The following OXR1 variants were observed in gnomAD, a reference collection of about 807,000 sequenced individuals.
OXR1 encodes the protein oxidation resistance protein 1.
A neutral mutation model predicts 104.6 loss-of-function variants in OXR1; 41 were observed. The ratio of observed to expected loss-of-function variants is 0.39; its 90% CI spans 0.31 to 0.51. The LOEUF (loss-of-function observed/expected upper bound fraction) is 0.51. OXR1 is among the 20% of genes least tolerant of loss of function. The pLI is 0.77. For missense variants in OXR1, 955 were observed against 1,031.9 expected (o/e 0.93, Z 1.02); for synonymous variants, 348 against 348.4 (o/e 1.00, Z 0.01).
At chr8:106,599,566 T>C (rs1312097561) in intron 3 of OXR1, among the ~76,000 whole-genome samples, 1 of 152,224 alleles carries the variant, frequency 6.6e-6, no homozygotes, top group African/African-American at 2.4e-5. Flanking sequence ...TGATAACAGA[T>C]AAAATCTTCA....
At chr8:106,688,458 C>T (rs1828961457) in intron 6 of OXR1, among the ~76,000 whole-genome samples, 1 of 151,494 alleles carries the variant, frequency 6.6e-6, no homozygotes, top group Admixed American at 6.6e-5. Flanking sequence ...TGAGGAAGGC[C>T]TAGGAAGTCC....
intron 3 of OXR1, among the ~76,000 whole-genome samples, chr8:106,624,642 T>C (rs1821998137): frequency 6.6e-6 from 1 of 152,166 alleles, no homozygotes; most frequent in Non-Finnish European, 1.5e-5. Flanking sequence ...GGAATTGCTG[T>C]TTTTCAGGTG....
At chr8:106,524,205 T>C (rs1040121632) in intron 3 of OXR1, among the ~76,000 whole-genome samples, 1 of 152,186 alleles carries the variant, frequency 6.6e-6, no homozygotes, top group African/African-American at 2.4e-5. Context: ...TGAAGCCAAA[T>C]AGTAGACTCA....
rs190630663 is a variant in OXR1, at chr8:106,482,484, A to G, written c.24-36459A>G. On this transcript the variant is annotated intron_variant, in intron 2 of 16. Coordinates refer to ENST00000517566, the MANE Select transcript of OXR1 (RefSeq NM_001198533.2). ...AGCTCTGTGATGTTGAGAGAGTTACATCGATTTTCTGAACGACTATTTCTT... is the reference window on the plus strand; with the variant it reads ...AGCTCTGTGATGTTGAGAGAGTTACGTCGATTTTCTGAACGACTATTTCTT... Among the ~76,000 whole-genome samples, 387 of 151,944 alleles carry G rather than the reference A, an allele frequency of 2.5e-3. 1 individual carries two copies. The highest frequency in any genetic ancestry group is 3.8e-3 in the Non-Finnish European group (261 of 67,966).
intron 10 of OXR1, among the ~76,000 whole-genome samples, chr8:106,711,801 G>A (rs1831716689): frequency 6.6e-6 from 1 of 152,088 alleles, no homozygotes; most frequent in Non-Finnish European, 1.5e-5. Context: ...TTTTACAGAA[G>A]AGGAACCATA....
intron 3 of OXR1, among the ~76,000 whole-genome samples, chr8:106,653,506 T>C (rs902513084): frequency 1.3e-5 from 2 of 151,868 alleles, no homozygotes; most frequent in Admixed American, 1.3e-4. Flanking sequence ...AAGCACAATA[T>C]TATATCAACA....
chr8:106,397,217 A>G (rs16874519), intron 2 of OXR1, among the ~76,000 whole-genome samples: 7,461 of 152,082 alleles, frequency 0.049, 615 homozygotes, highest in African/African-American at 0.17. Context: ...TGCATTTCTT[A>G]TTGAAAAAAT....
chr8:106,707,330 A>G (rs1201520667), intron 9 of OXR1, 185 bp downstream of exon 9: 2 of 676,646 alleles, frequency 3.0e-6, no homozygotes, highest in Non-Finnish European at 5.3e-6. Context: ...CTTATCCCAC[A>G]GGTGGATTGT....
At chr8:106,630,960 T>C (rs1042548529) in intron 3 of OXR1, among the ~76,000 whole-genome samples, 2 of 151,544 alleles carry the variant, frequency 1.3e-5, no homozygotes, top group African/African-American at 2.4e-5. Flanking sequence ...CTTTTGGGGG[T>C]TGGTCGGAAA....
At chr8:106,461,737 T>C (rs944018977) in intron 2 of OXR1, among the ~76,000 whole-genome samples, 1 of 152,178 alleles carries the variant, frequency 6.6e-6, no homozygotes, top group Admixed American at 6.5e-5. Flanking sequence ...CACCTGCAGA[T>C]TGTTTTGCAG....
In OXR1 at chr8:106,551,389, C is replaced by A. The variant is rs1306869173; in HGVS notation, c.220+32250C>A. Reference sequence around the variant, plus strand: ...AAAATCCACTTGAAAGTTCTATTCACTTAAGGTATAAATACAAAAATATAT... The same window carrying A: ...AAAATCCACTTGAAAGTTCTATTCAATTAAGGTATAAATACAAAAATATAT... On this transcript the variant is annotated intron_variant, in intron 3 of 16. Coordinates refer to ENST00000517566, the MANE Select transcript of OXR1 (RefSeq NM_001198533.2). Among the ~76,000 whole-genome samples the A allele has an allele frequency of 2.0e-5, 3 of 152,146 alleles. No homozygotes were observed. In the East Asian group the frequency reaches 5.8e-4, roughly 29 times the overall value.
chr8:106,523,220 A>C (rs1813387685), intron 3 of OXR1, among the ~76,000 whole-genome samples: 1 of 152,198 alleles, frequency 6.6e-6, no homozygotes, highest in Non-Finnish European at 1.5e-5. Flanking sequence ...ACCAACCAAG[A>C]ATACTCTCTG....
chr8:106,607,998 G>C (rs931779959), intron 3 of OXR1, among the ~76,000 whole-genome samples: 18 of 152,058 alleles, frequency 1.2e-4, no homozygotes, highest in Non-Finnish European at 2.2e-4. Flanking sequence ...TATTAGGGTG[G>C]GCACTGGGCA....
intron 2 of OXR1, among the ~76,000 whole-genome samples, chr8:106,372,739 G>A (rs989707293): frequency 1.3e-5 from 2 of 152,134 alleles, no homozygotes; most frequent in African/African-American, 4.8e-5. Flanking sequence ...CCACCCCTGA[G>A]TTATCTCATC....
intron 3 of OXR1, among the ~76,000 whole-genome samples, chr8:106,537,543 G>A (rs1163663142): frequency 6.6e-6 from 1 of 152,162 alleles, no homozygotes; most frequent in Non-Finnish European, 1.5e-5. Flanking sequence ...AGGGTTGGGG[G>A]CTGGGGGAGG....
chr8:106,564,312 A>T (rs1484801128), intron 3 of OXR1, among the ~76,000 whole-genome samples: 2 of 152,174 alleles, frequency 1.3e-5, no homozygotes, highest in African/African-American at 4.8e-5. Context: ...ATCACCACTG[A>T]TCCCACAGAA....
chr8:106,327,147 T>G (rs1372023423), intron 1 of OXR1, among the ~76,000 whole-genome samples: 1 of 152,214 alleles, frequency 6.6e-6, no homozygotes, highest in Admixed American at 6.5e-5. Flanking sequence ...TCAGTTTGAA[T>G]GCCGAACCTC....
At chr8:106,416,017 T>TC (rs1218519246) in intron 2 of OXR1, among the ~76,000 whole-genome samples, 1 of 152,006 alleles carries the variant, frequency 6.6e-6, no homozygotes, top group East Asian at 1.9e-4. Flanking sequence ...CAGAACAGAG[T>TC]CCCTCTCTTA....
chr8:106,323,083 G>A (rs1814293298), intron 1 of OXR1, among the ~76,000 whole-genome samples: 1 of 152,118 alleles, frequency 6.6e-6, no homozygotes, highest in South Asian at 2.1e-4. Context: ...CAATAGCCAA[G>A]GCAATCCTAA....
Sources: gnomAD v4.1 joint callset for allele counts (sites outside exome capture counted in the v4.1 genomes callset) on GRCh38, gnomAD v4.1.1 for gene constraint, MANE v1.5 for transcripts, NCBI Gene and HGNC (gene_info 2026-07-23, HGNC 2026-07-21) for gene names.